The following CELF2 variants were observed in gnomAD, a reference collection of about 807,000 sequenced individuals.
CELF2 encodes CUG triplet repeat RNA-binding protein 2.
A neutral mutation model predicts 62.6 loss-of-function variants in CELF2; 8 were observed. The observed-to-expected ratio is 0.13, with a 90% CI of 0.07 to 0.23. The LOEUF (loss-of-function observed/expected upper bound fraction) is 0.23. Among genes scored for constraint, CELF2 ranks in the 10% least tolerant of loss-of-function variants. The probability of loss-of-function intolerance (pLI) is 1.00; values close to 1 mark genes in which losing one functional copy is unlikely to be tolerated. For synonymous variants in CELF2, 258 were observed against 250.0 expected (o/e 1.03, Z -0.30); for missense variants, 333 against 671.0 (o/e 0.50, Z 5.56).
At chr10:11,019,028 T>C (rs1040375603) in intron 1 of CELF2, among the ~76,000 whole-genome samples, 3 of 152,226 alleles carry the variant, frequency 2.0e-5, no homozygotes, top group Non-Finnish European at 2.9e-5. Context: ...CTGGTTGTTT[T>C]ACATGTCGTC....
At chr10:10,588,600 C>G in the CELF2 span, among the ~76,000 whole-genome samples, 7 of 152,110 alleles carry the variant, frequency 4.6e-5, no homozygotes, top group Non-Finnish European at 7.4e-5. Context: ...GGAGGCATCT[C>G]TTGGAGGGAT....
chr10:10,815,002 C>T (rs999657557), intron 1 of CELF2, among the ~76,000 whole-genome samples: 2 of 152,176 alleles, frequency 1.3e-5, no homozygotes, highest in African/African-American at 4.8e-5. Context: ...AATTGCCCTT[C>T]AATTACTAAA....
chr10:10,493,124 G>T, the CELF2 span, among the ~76,000 whole-genome samples: 1 of 152,144 alleles, frequency 6.6e-6, no homozygotes, highest in African/African-American at 2.4e-5. Flanking sequence ...TCTGACACAT[G>T]TTACAACATG....
At chr10:10,464,510 G>A in the CELF2 span, among the ~76,000 whole-genome samples, 6 of 151,740 alleles carry the variant, frequency 4.0e-5, no homozygotes, top group Non-Finnish European at 7.4e-5. Flanking sequence ...CCTCTTCTTT[G>A]TAATTTTCTA....
Position 11,318,829 on chromosome 10 carries a change from C to G in CELF2, c.1097-2360C>G, listed in dbSNP as rs1364015218. ...CTGCCATAAAATGCCACCTGTGTAT[C>G]TGGCACTCTGGAGAAGCCGAGTCGT... On this transcript the variant is annotated intron_variant, in intron 10 of 12. Transcript: ENST00000633077. This position sits in a 1 kb window ranked among gnomAD's most constrained non-coding sequence, Gnocchi z 5.4. 2.1e-6 allele frequency: 1 copy of G among 471,188 alleles called. No homozygotes were observed. Among genetic ancestry groups the G allele is most frequent in the Non-Finnish European group, 4.4e-6 (1 of 227,086 alleles). The allele number at this position is 471,188 out of a possible 1,614,324, so 29.2% of individuals were successfully genotyped here. A position where few individuals can be genotyped will look rare whatever the true frequency, so the allele number is the denominator to read the frequency against.
rs2065753855 is a variant in CELF2, at chr10:10,928,439, G to C, written c.89+8440G>C. Among the ~76,000 whole-genome samples, 1 of 152,030 alleles carries C rather than the reference G, an allele frequency of 6.6e-6. No homozygotes were observed. Among genetic ancestry groups the C allele is most frequent in the African/African-American group, 2.4e-5 (1 of 41,388 alleles). On this transcript the variant is annotated intron_variant, in intron 2 of 13. Coordinates refer to the CELF2 transcript ENST00000636488. The surrounding 1 kb of genome is among the most constrained non-coding windows in gnomAD (Gnocchi z 4.8). ...TCTACCACTTGTTCTTCTAGATCCG[G>C]ATTTTGCAAACTACAGCCCACAGAC...
At chr10:10,481,707 C>T in the CELF2 span, among the ~76,000 whole-genome samples, 1 of 152,184 alleles carries the variant, frequency 6.6e-6, no homozygotes, top group Non-Finnish European at 1.5e-5. Flanking sequence ...GAAACAATAT[C>T]ATTTCTTTGT....
intron 2 of CELF2, among the ~76,000 whole-genome samples, chr10:11,181,787 C>T (rs1246076604): frequency 1.3e-5 from 2 of 152,202 alleles, no homozygotes; most frequent in African/African-American, 4.8e-5. Flanking sequence ...GAACTTAGTA[C>T]GGTGCCTTAA....
At chr10:11,238,791 C>T (rs1027432761) in intron 3 of CELF2, among the ~76,000 whole-genome samples, 8 of 152,142 alleles carry the variant, frequency 5.3e-5, no homozygotes, top group African/African-American at 1.7e-4. Context: ...CTTCTGAAAG[C>T]GGCACACTCA....
At chr10:10,641,309 G>A in the CELF2 span, among the ~76,000 whole-genome samples, 5 of 152,268 alleles carry the variant, frequency 3.3e-5, no homozygotes, top group East Asian at 1.9e-4. Context: ...TGGAAATCAC[G>A]CAGTACTTTG....
intron 1 of CELF2, among the ~76,000 whole-genome samples, chr10:11,081,733 T>A (rs2074085476): frequency 6.6e-6 from 1 of 152,180 alleles, no homozygotes; most frequent in South Asian, 2.1e-4. Context: ...CTTGACACAT[T>A]TTTTTGCCCA....
intron 2 of CELF2, among the ~76,000 whole-genome samples, chr10:10,984,513 T>C (rs1335955837): frequency 6.6e-6 from 1 of 152,220 alleles, no homozygotes; most frequent in Non-Finnish European, 1.5e-5. Context: ...AATTTCATAT[T>C]CCTAATAGCT....
At chr10:10,466,981 T>C in the CELF2 span, among the ~76,000 whole-genome samples, 1 of 152,026 alleles carries the variant, frequency 6.6e-6, no homozygotes, top group Admixed American at 6.6e-5. Flanking sequence ...CCTCCCAGTA[T>C]GTGACTTTCC....
At chr10:11,161,947 C>T (rs2065819725) in intron 1 of CELF2, among the ~76,000 whole-genome samples, 1 of 152,092 alleles carries the variant, frequency 6.6e-6, no homozygotes, top group Non-Finnish European at 1.5e-5. Flanking sequence ...GTGCTACAGC[C>T]CCATGAGGAT....
the CELF2 span, among the ~76,000 whole-genome samples, chr10:10,523,972 A>G: frequency 6.6e-6 from 1 of 152,184 alleles, no homozygotes; most frequent in African/African-American, 2.4e-5. Context: ...CATTGCTACA[A>G]CCTCAAATTT....
At chr10:11,050,835 T>C (rs2063785738) in intron 1 of CELF2, among the ~76,000 whole-genome samples, 1 of 152,244 alleles carries the variant, frequency 6.6e-6, no homozygotes, top group African/African-American at 2.4e-5. Context: ...TGCAGAGCTC[T>C]GCAGATTATG....
At chr10:10,547,866 T>A in the CELF2 span, among the ~76,000 whole-genome samples, 16,369 of 152,198 alleles carry the variant, frequency 0.11, 967 homozygotes, top group East Asian at 0.25. Context: ...CAAACATCCA[T>A]CATCCTACCT....
At position 11,275,072 on chromosome 10, in the gene CELF2, A is replaced by G. The variant is rs1293919500; in HGVS notation, c.793A>G (p.Thr265Ala). Residue 265 changes from threonine (T) to alanine (A), a missense_variant, in exon 8 of 13, where the codon ACC becomes GCC. This residue lies in a region of CELF2 where 253 missense variants were observed against 503.0 expected (regional missense o/e 0.50). Transcript: ENST00000633077. The stretch of plus-strand genomic sequence containing the variant: ...TCATCCGCAGCTCCTGCAGCAGGCC[A>G]CCTCCTCCAGCAACCTGGGTGCGTT... ...PQYLALLQQA[T>A]SSSNLGAFSG... 4 of 1,614,108 alleles carry G rather than the reference A, an allele frequency of 2.5e-6. No homozygotes were observed. Among genetic ancestry groups the G allele is most frequent in the Non-Finnish European group, 2.5e-6 (3 of 1,180,016 alleles).
intron 1 of CELF2, among the ~76,000 whole-genome samples, chr10:10,895,254 T>A (rs547977099): frequency 3.3e-5 from 5 of 152,212 alleles, no homozygotes; most frequent in Non-Finnish European, 7.3e-5. Context: ...ATATTCACCA[T>A]CTTGATGTGA....
Sources: allele counts gnomAD v4.1 joint callset (sites outside exome capture counted in the v4.1 genomes callset), GRCh38; gene constraint gnomAD v4.1.1; regional missense constraint gnomAD v4.1.1; non-coding constraint Gnocchi (gnomAD v3.1); transcripts MANE v1.5; gene names NCBI Gene and HGNC (gene_info 2026-07-23, HGNC 2026-07-21).